Variants in SEMA3A observed in about 807,000 individuals in gnomAD.
The protein encoded by SEMA3A is semaphorin 3A.
In SEMA3A, 29 loss-of-function variants were observed where a neutral mutation model predicts 97.9. That is an observed-to-expected ratio of 0.30 (90% CI 0.22 to 0.40). SEMA3A has a LOEUF of 0.40. Among genes scored for constraint, SEMA3A ranks in the 10% least tolerant of loss-of-function variants. The pLI is 1.00. For synonymous variants in SEMA3A, 321 were observed against 323.7 expected (o/e 0.99, Z 0.09); for missense variants, 763 against 951.3 (o/e 0.80, Z 2.60).
intron 1 of SEMA3A, among the ~76,000 whole-genome samples, chr7:84,476,267 G>A (rs552469682): frequency 1.3e-5 from 2 of 151,642 alleles, no homozygotes; most frequent in South Asian, 4.2e-4. Context: ...GCTGAGGCAG[G>A]AGAATCGCTT....
intron 1 of SEMA3A, among the ~76,000 whole-genome samples, chr7:84,156,639 C>T (rs747693055): frequency 2.6e-5 from 4 of 151,940 alleles, no homozygotes; most frequent in Non-Finnish European, 5.9e-5. Flanking sequence ...TGTATGCATG[C>T]GAGTCTGTAT....
At chr7:84,198,669 C>T (rs1160493607), upstream of SEMA3A, among the ~76,000 whole-genome samples, 2 of 152,128 alleles carry the variant, frequency 1.3e-5, no homozygotes, top group Admixed American at 1.3e-4. Context: ...TCTAACAATT[C>T]GAGCTTTCAA....
At chr7:84,353,905 A>G (rs1486078940) in intron 2 of SEMA3A, among the ~76,000 whole-genome samples, 3 of 151,652 alleles carry the variant, frequency 2.0e-5, no homozygotes, top group Non-Finnish European at 4.4e-5. Context: ...TTACATTACA[A>G]ATACTGAAAT....
intron 1 of SEMA3A, among the ~76,000 whole-genome samples, chr7:84,165,548 A>AG (rs1797178990): frequency 6.6e-6 from 1 of 151,954 alleles, no homozygotes; most frequent in Non-Finnish European, 1.5e-5. Flanking sequence ...AGCTGGTTAT[A>AG]TATACCAGTA....
At chr7:84,006,785 A>G (rs532582524) in intron 10 of SEMA3A, among the ~76,000 whole-genome samples, 9 of 152,178 alleles carry the variant, frequency 5.9e-5, no homozygotes, top group Non-Finnish European at 1.3e-4. Context: ...CTAGCTTGAA[A>G]AATATTAATA....
rs141334222 is a variant in SEMA3A, at chr7:84,361,383, G to T, written c.-169+10441C>A. Among the ~76,000 whole-genome samples, 9 of 152,010 alleles carry T rather than the reference G, an allele frequency of 5.9e-5. No individual in the cohort carries two copies. In the East Asian group the frequency reaches 1.6e-3, roughly 26 times the overall value. ...TTATAATATTCCTGAACAAGGGAAA[G>T]AAATAAATAAAGGAAAAATAAGAAA... On this transcript the variant is annotated intron_variant, in intron 2 of 3. Coordinates refer to the SEMA3A transcript ENST00000424555.
Position 83,961,710 on chromosome 7 carries a change from A to T in SEMA3A, c.1977T>A (p.Thr659=), listed in dbSNP as rs781430984. The T allele has an allele frequency of 4.3e-6, 7 of 1,613,490 alleles. No individual in the cohort carries two copies. Among genetic ancestry groups the T allele is most frequent in the Non-Finnish European group, 5.9e-6 (7 of 1,179,834 alleles). Residue 659 remains threonine, a synonymous_variant, in exon 17 of 17, where the codon ACT becomes ACA. Transcript: ENST00000265362. The part of the protein sequence containing the change: ...CHAVEHGFIQ[T]LLKVTLEVID... ...TGACTTCCAGGGTTACCTTAAGAAG[A>T]GTTTGTATGAACCCATGTTCCACCG...
chr7:84,250,441 T>A (rs1163989414), intron 3 of SEMA3A, among the ~76,000 whole-genome samples: 2 of 152,130 alleles, frequency 1.3e-5, no homozygotes, highest in Non-Finnish European at 2.9e-5. Context: ...CACTGGGGGC[T>A]TTAAACCTCT....
At chr7:84,414,586 T>A (rs1804379142) in intron 1 of SEMA3A, among the ~76,000 whole-genome samples, 1 of 152,074 alleles carries the variant, frequency 6.6e-6, no homozygotes, top group Admixed American at 6.6e-5. Context: ...TAATAGGAAG[T>A]ACACAACATC....
chr7:84,069,051 G>C (rs1384757583), intron 4 of SEMA3A, among the ~76,000 whole-genome samples: 1 of 152,066 alleles, frequency 6.6e-6, no homozygotes, highest in Non-Finnish European at 1.5e-5. Context: ...CAATTCCATA[G>C]AGAATAAATT....
intron 2 of SEMA3A, among the ~76,000 whole-genome samples, chr7:84,369,120 A>T (rs1037490762): frequency 6.6e-6 from 1 of 151,132 alleles, no homozygotes; most frequent in Non-Finnish European, 1.5e-5. Context: ...AGAGATGGAC[A>T]GATAAAATAC....
At chr7:84,401,753 T>C (rs1803910549) in intron 1 of SEMA3A, among the ~76,000 whole-genome samples, 1 of 152,154 alleles carries the variant, frequency 6.6e-6, no homozygotes, top group Admixed American at 6.5e-5. Flanking sequence ...GAACATATGT[T>C]GGATAATGGA....
intron 1 of SEMA3A, among the ~76,000 whole-genome samples, chr7:84,478,405 AT>A (rs1806358253): frequency 1.3e-5 from 2 of 152,190 alleles, no homozygotes; most frequent in South Asian, 4.1e-4. Flanking sequence ...ATAAAATTAC[AT>A]ACAAAACTTT....
At chr7:84,186,457 C>T (rs1041025299) in intron 1 of SEMA3A, among the ~76,000 whole-genome samples, 9 of 152,082 alleles carry the variant, frequency 5.9e-5, no homozygotes, top group African/African-American at 1.4e-4. Context: ...ATAATAACAA[C>T]GGAACAGCAT....
intron 2 of SEMA3A, among the ~76,000 whole-genome samples, chr7:84,321,864 A>C (rs1481606610): frequency 1.6e-5 from 2 of 125,408 alleles, no homozygotes; most frequent in East Asian, 4.8e-4. Context: ...CGACAGAGCG[A>C]GACTACGGAA....
intron 3 of SEMA3A, among the ~76,000 whole-genome samples, chr7:84,240,586 G>A (rs1464342723): frequency 3.9e-5 from 6 of 152,132 alleles, no homozygotes; most frequent in Non-Finnish European, 5.9e-5. Flanking sequence ...TTAGAGCCTC[G>A]CAAAGAAGCA....
chr7:84,409,602 G>T (rs139234401), intron 1 of SEMA3A, among the ~76,000 whole-genome samples: 15 of 151,956 alleles, frequency 9.9e-5, no homozygotes, highest in Non-Finnish European at 2.1e-4. Flanking sequence ...TCTCTGAAAC[G>T]TATTTAACCA....
At chr7:84,330,512 G>C (rs989405394) in intron 2 of SEMA3A, among the ~76,000 whole-genome samples, 5 of 152,150 alleles carry the variant, frequency 3.3e-5, no homozygotes, top group Admixed American at 2.0e-4. Context: ...ACATTCGGAA[G>C]ATATCAGTGG....
At chr7:84,153,060 T>C (rs940386084) in intron 1 of SEMA3A, among the ~76,000 whole-genome samples, 2 of 152,168 alleles carry the variant, frequency 1.3e-5, no homozygotes, top group African/African-American at 4.8e-5. Flanking sequence ...CTGAGTTTGT[T>C]TGATGATCTT....
Sources: gnomAD v4.1 joint callset for allele counts (sites outside exome capture counted in the v4.1 genomes callset) on GRCh38, gnomAD v4.1.1 for gene constraint, MANE v1.5 for transcripts, NCBI Gene and HGNC (gene_info 2026-07-23, HGNC 2026-07-21) for gene names.